Variants in SHANK2 observed in about 807,000 individuals in gnomAD.
The protein encoded by SHANK2 is SH3 and multiple ankyrin repeat domains 2, also known as SH3 and multiple ankyrin repeat domains protein 2.
SHANK2 carries 43 observed loss-of-function variants against 133.7 expected under a neutral mutation model. The observed-to-expected ratio is 0.32, with a 90% CI of 0.25 to 0.41. The LOEUF (loss-of-function observed/expected upper bound fraction) is 0.41. SHANK2 is among the 10% of genes least tolerant of loss of function. SHANK2 has a pLI of 1.00. For synonymous variants in SHANK2, 1,017 were observed against 952.8 expected, an observed-to-expected ratio of 1.07 and a Z score of -1.24; for missense variants, 1,994 against 2,235.8, an observed-to-expected ratio of 0.89 and a Z score of 2.18.
intron 10 of SHANK2, among the ~76,000 whole-genome samples, chr11:70,937,667 T>C (rs1950590091): frequency 1.3e-5 from 2 of 152,086 alleles, no homozygotes; most frequent in Non-Finnish European, 2.9e-5. Context: ...GAGTACTTTA[T>C]AGTGTGTGTG....
chr11:70,538,861 G>A (rs1327435244), intron 17 of SHANK2, among the ~76,000 whole-genome samples: 1 of 152,200 alleles, frequency 6.6e-6, no homozygotes, highest in East Asian at 1.9e-4. Flanking sequence ...CCTGAGTGCT[G>A]TCTCAGGGGC....
intron 14 of SHANK2, among the ~76,000 whole-genome samples, chr11:70,746,622 C>G (rs1555036176): frequency 1.3e-5 from 2 of 152,182 alleles, no homozygotes; most frequent in Non-Finnish European, 1.5e-5. Context: ...CTCACAGCCC[C>G]CATCTCCCCG....
chr11:70,712,666 C>T (rs1456340593), intron 14 of SHANK2, among the ~76,000 whole-genome samples: 3 of 152,252 alleles, frequency 2.0e-5, no homozygotes, highest in African/African-American at 7.2e-5. Context: ...CTGGAGACTC[C>T]TCCTGCAATG....
intron 2 of SHANK2, among the ~76,000 whole-genome samples, chr11:71,216,164 T>C (rs1311712175): frequency 6.6e-6 from 1 of 152,198 alleles, no homozygotes; most frequent in African/African-American, 2.4e-5. Flanking sequence ...CACAAAAGCC[T>C]GTACAAGAAT....
intron 14 of SHANK2, among the ~76,000 whole-genome samples, chr11:70,728,518 G>T (rs891359956): frequency 6.6e-6 from 1 of 152,254 alleles, no homozygotes; most frequent in African/African-American, 2.4e-5. Context: ...AGGAGCCCCA[G>T]ATGAAAGCCA....
At chr11:71,075,802 G>C (rs1194134273) in intron 8 of SHANK2, among the ~76,000 whole-genome samples, 1 of 152,194 alleles carries the variant, frequency 6.6e-6, no homozygotes. Context: ...CTTTAATGCA[G>C]TCCAGCTCCT....
At position 70,904,913 on chromosome 11, in the gene SHANK2, G is replaced by A. The variant is rs995285304; in HGVS notation, c.1108-8346C>T. On this transcript the variant is annotated intron_variant, in intron 10 of 25. Coordinates refer to ENST00000601538, the MANE Select transcript of SHANK2 (RefSeq NM_012309.5). ...CCTCCTTGCCTTCCACCAGTATTGT[G>A]AGGCCTCCCCAGCCATGTAGAACTG... Among the ~76,000 whole-genome samples the A allele has an allele frequency of 7.9e-5, 12 of 152,278 alleles. No individual in the cohort carries two copies. The South Asian group carries it at 2.5e-3, about 32-fold the overall frequency.
chr11:70,894,455 A>T (rs1555075290), intron 11 of SHANK2, among the ~76,000 whole-genome samples: 1 of 152,082 alleles, frequency 6.6e-6, no homozygotes, highest in Non-Finnish European at 1.5e-5. Context: ...CCAAAGTGCT[A>T]GGATTACAGG....
chr11:70,696,808 C>T (rs181208882), intron 15 of SHANK2, among the ~76,000 whole-genome samples: 1 of 152,318 alleles, frequency 6.6e-6, no homozygotes, highest in East Asian at 1.9e-4. Flanking sequence ...TACTTGCATG[C>T]AAATATCAAC....
In SHANK2 at chr11:70,535,268, CATCT is replaced by C. The variant is rs1465948144; in HGVS notation, c.2062-32341_2062-32338del. Among the ~76,000 whole-genome samples the C allele has an allele frequency of 6.6e-5, 10 of 152,186 alleles. No individual in the cohort carries two copies. The highest frequency in any genetic ancestry group is 5.2e-4 in the Admixed American group (8 of 15,274). On this transcript the variant is annotated intron_variant, in intron 17 of 25. Transcript: ENST00000601538. This position sits in a 1 kb window ranked among gnomAD's most constrained non-coding sequence, Gnocchi z 4.3. Reference sequence around the variant, plus strand: ...CTATCCATCCATTACTCCATCCATCCATCTGTCCTTCCATCCATCCTCTATCCTC... The same window carrying C: ...CTATCCATCCATTACTCCATCCATCCGTCCTTCCATCCATCCTCTATCCTC...
At position 70,479,854 on chromosome 11, in the gene SHANK2, T is replaced by C. The variant is rs1020788061; in HGVS notation, c.4979+5460A>G. Reference sequence around the variant, plus strand: ...CATGACACCTGGGGCTCCTGGGTCATAGCAAGTTTGTTTTGGGTCAAAGCA... The same window carrying C: ...CATGACACCTGGGGCTCCTGGGTCACAGCAAGTTTGTTTTGGGTCAAAGCA... On this transcript the variant is annotated intron_variant, in intron 25 of 25. Coordinates refer to ENST00000601538, the MANE Select transcript of SHANK2 (RefSeq NM_012309.5). The surrounding 1 kb of genome is among the most constrained non-coding windows in gnomAD (Gnocchi z 4.4). 1.1e-4 allele frequency among the ~76,000 whole-genome samples: 16 copies of C among 152,106 alleles called. No homozygotes were observed. Among genetic ancestry groups the C allele is most frequent in the Non-Finnish European group, 2.4e-4 (16 of 68,024 alleles).
intron 17 of SHANK2, among the ~76,000 whole-genome samples, chr11:70,621,056 A>G (rs971015597): frequency 1.2e-4 from 19 of 152,206 alleles, no homozygotes; most frequent in African/African-American, 4.6e-4. Context: ...TGGTAACAGC[A>G]CCTGCCTCAA....
At chr11:70,591,924 C>T (rs2060327100) in intron 17 of SHANK2, among the ~76,000 whole-genome samples, 1 of 151,916 alleles carries the variant, frequency 6.6e-6, no homozygotes, top group Non-Finnish European at 1.5e-5. Context: ...GAGGCTGAGG[C>T]AGGAGAACCG....
intron 8 of SHANK2, among the ~76,000 whole-genome samples, chr11:71,078,523 C>T (rs1163929463): frequency 6.6e-6 from 1 of 152,244 alleles, no homozygotes; most frequent in African/African-American, 2.4e-5. Context: ...CAAAGATCAC[C>T]AAACAAGATC....
chr11:70,555,740 A>C (rs1309194006), intron 17 of SHANK2, among the ~76,000 whole-genome samples: 4 of 152,214 alleles, frequency 2.6e-5, no homozygotes, highest in Admixed American at 6.5e-5. Flanking sequence ...GAACAACAAC[A>C]ACAAAAAAGC....
At chr11:70,543,896 T>C (rs1283114693) in intron 17 of SHANK2, among the ~76,000 whole-genome samples, 2 of 152,234 alleles carry the variant, frequency 1.3e-5, no homozygotes, top group African/African-American at 4.8e-5. Flanking sequence ...GGGCACCTGC[T>C]GGTGTCCGAG....
At chr11:70,843,624 C>T (rs969515584) in intron 11 of SHANK2, among the ~76,000 whole-genome samples, 5 of 151,968 alleles carry the variant, frequency 3.3e-5, no homozygotes, top group South Asian at 4.2e-4. Flanking sequence ...GCGGCACCTA[C>T]AAGCCGCAGA....
intron 10 of SHANK2, 90 bp downstream of exon 10, chr11:71,056,391 T>A (rs891536895): frequency 6.6e-6 from 1 of 152,212 alleles, no homozygotes; most frequent in African/African-American, 2.4e-5. Flanking sequence ...GCCGACCTCA[T>A]GTCACACATA....
chr11:70,776,704 C>A (rs1163171910), intron 14 of SHANK2, among the ~76,000 whole-genome samples: 1 of 151,622 alleles, frequency 6.6e-6, no homozygotes, highest in African/African-American at 2.4e-5. Context: ...TCCCACCTAC[C>A]CACCTAACTG....
Sources: allele counts gnomAD v4.1 joint callset (sites outside exome capture counted in the v4.1 genomes callset), GRCh38; gene constraint gnomAD v4.1.1; non-coding constraint Gnocchi (gnomAD v3.1); transcripts MANE v1.5; gene names NCBI Gene and HGNC (gene_info 2026-07-23, HGNC 2026-07-21).